ADAMTS15: variants seen among roughly 807,000 people sequenced by gnomAD.
The protein encoded by ADAMTS15 is ADAM metallopeptidase with thrombospondin type 1 motif 15.
A neutral mutation model predicts 79.1 loss-of-function variants in ADAMTS15; 35 were observed. The observed-to-expected ratio is 0.44, with a 90% CI of 0.34 to 0.59. ADAMTS15 has a LOEUF of 0.59. ADAMTS15 is among the 20% of genes least tolerant of loss of function. ADAMTS15 has a pLI of 0.02. For synonymous variants in ADAMTS15, 616 were observed against 567.3 expected, an observed-to-expected ratio of 1.09 and a Z score of -1.22; for missense variants, 1,324 against 1,318.7, an observed-to-expected ratio of 1.00 and a Z score of -0.06.
intron 1 of ADAMTS15, among the ~76,000 whole-genome samples, chr11:130,456,808 G>T (rs1319062437): frequency 6.6e-6 from 1 of 152,174 alleles, no homozygotes; most frequent in African/African-American, 2.4e-5. Flanking sequence ...AGACAGCCCT[G>T]CAGTCCTGTG....
intron 1 of ADAMTS15, 178 bp downstream of exon 1, chr11:130,450,108 C>G: frequency 1.0e-6 from 1 of 985,498 alleles, no homozygotes; most frequent in Non-Finnish European, 1.2e-6. Flanking sequence ...CTCCGCGGAG[C>G]GGCGGCTCAC....
In ADAMTS15 at chr11:130,470,166, A is replaced by ATATG. The variant is rs1592150488; in HGVS notation, c.1720+730_1720+731insGTAT. Among the ~76,000 whole-genome samples the ATATG allele has an allele frequency of 4.3e-4, 25 of 57,576 alleles. 1 individual carries two copies. Among genetic ancestry groups the ATATG allele is most frequent in the African/African-American group, 2.1e-3 (20 of 9,636 alleles). 37.8% of individuals were successfully genotyped at this position (57,576 alleles called of 152,430 possible). On this transcript the variant is annotated intron_variant, in intron 5 of 7. Transcript: ENST00000299164. ...TATATATATATGTGTATATATATAT[A>ATATG]TATATATATATATATGTGTGTATAT...
chr11:130,468,561 C>G (rs1216366979), intron 4 of ADAMTS15, among the ~76,000 whole-genome samples: 2 of 151,630 alleles, frequency 1.3e-5, no homozygotes, highest in East Asian at 1.9e-4. Flanking sequence ...GTCAGGAGAT[C>G]GAGACCTTCC....
chr11:130,461,408 G>A (rs1938195316), intron 1 of ADAMTS15, 81 bp from the exon 2 acceptor site: 1 of 1,594,754 alleles, frequency 6.3e-7, no homozygotes, highest in African/African-American at 1.3e-5. Flanking sequence ...ATGTCCTATA[G>A]GATGTCCTTT....
chr11:130,471,077 C>T lies in ADAMTS15; in HGVS notation c.1878C>T (p.Gly626=). 1.9e-6 allele frequency: 3 copies of T among 1,613,868 alleles called. No individual in the cohort carries two copies. Among genetic ancestry groups the T allele is most frequent in the South Asian group, 2.2e-5 (2 of 91,022 alleles). ...CKLICRANGT[G]YFYVLAPKVV... Reference sequence around the variant, plus strand: ...TCATCTGCCGAGCCAATGGCACTGGCTACTTCTATGTGCTGGCACCCAAGG... The same window carrying T: ...TCATCTGCCGAGCCAATGGCACTGGTTACTTCTATGTGCTGGCACCCAAGG... The change falls in exon 6 of 8, where the codon GGC becomes GGT. Residue 626 remains glycine (G), a synonymous_variant. Coordinates refer to ENST00000299164, the MANE Select transcript of ADAMTS15 (RefSeq NM_139055.4).
intron 1 of ADAMTS15, among the ~76,000 whole-genome samples, chr11:130,459,572 G>A (rs2134724278): frequency 6.6e-6 from 1 of 152,308 alleles, no homozygotes; most frequent in East Asian, 1.9e-4. Flanking sequence ...GGGAAGAGAA[G>A]GGCATTTGAA....
In ADAMTS15 at chr11:130,473,356, C is replaced by T. The variant is rs1254752088; in HGVS notation, c.2388C>T (p.Tyr796=). The T allele has an allele frequency of 1.9e-6, 3 of 1,612,908 alleles. No homozygotes were observed. Among genetic ancestry groups the T allele is most frequent in the Admixed American group, 1.7e-5 (1 of 60,030 alleles). ...AGATGACACCGCCCCGGGTCCGCTACTCCTTCTATCTGCCCAAAGAGCCTC... is the reference window on the plus strand; with the variant it reads ...AGATGACACCGCCCCGGGTCCGCTATTCCTTCTATCTGCCCAAAGAGCCTC... ...VGKMTPPRVR[Y]SFYLPKEPRE... The change falls in exon 8 of 8, where the codon TAC becomes TAT. Residue 796 remains tyrosine (Y), a synonymous_variant. Transcript: ENST00000299164.
intron 4 of ADAMTS15, among the ~76,000 whole-genome samples, chr11:130,465,178 CCTTT>C (rs964701279): frequency 8.5e-5 from 13 of 152,052 alleles, no homozygotes; most frequent in African/African-American, 3.1e-4. Context: ...TCACTGATGA[CCTTT>C]CTTCTCATTT....
chr11:130,456,676 A>G (rs1050620415), intron 1 of ADAMTS15, among the ~76,000 whole-genome samples: 19 of 152,150 alleles, frequency 1.2e-4, no homozygotes, highest in African/African-American at 4.1e-4. Flanking sequence ...CTAGTGTTGC[A>G]TGATTTAGAC....
At chr11:130,463,901 G>A (rs1269355565) in intron 4 of ADAMTS15, among the ~76,000 whole-genome samples, 1 of 152,206 alleles carries the variant, frequency 6.6e-6, no homozygotes, top group Non-Finnish European at 1.5e-5. Context: ...AATTGTCACG[G>A]GAGAACCAGG....
intron 1 of ADAMTS15, chr11:130,450,208 G>T (rs1191505052): frequency 1.0e-6 from 1 of 985,334 alleles, no homozygotes; most frequent in African/African-American, 1.7e-5. Context: ...AGGCGCCGAG[G>T]GGCCGGAACC....
chr11:130,450,078 A>C (rs1008472920), intron 1 of ADAMTS15, 148 bp downstream of exon 1: 3 of 1,455,550 alleles, frequency 2.1e-6, no homozygotes, highest in Middle Eastern at 2.2e-4. Flanking sequence ...TGGAGTTTCC[A>C]GGGAGAGCCC....
Position 130,471,025 on chromosome 11 carries a change from G to A in ADAMTS15, c.1826G>A (p.Gly609Asp). The change falls in exon 6 of 8, where the codon GGC becomes GAC. Residue 609 changes from glycine (G) to aspartate (D), a missense_variant. By Grantham distance (94) the Gly-to-Asp change is moderately conservative. Transcript: ENST00000299164. ...LAVAWVPKYS[G>D]VSPRDKCKLI... Reference sequence around the variant, plus strand: ...GTGGCATGGGTGCCCAAGTACTCCGGCGTGTCTCCCCGGGACAAGTGCAAG... The same window carrying A: ...GTGGCATGGGTGCCCAAGTACTCCGACGTGTCTCCCCGGGACAAGTGCAAG... 1 of 1,613,816 alleles carries A rather than the reference G, an allele frequency of 6.2e-7. No homozygotes were observed. Among genetic ancestry groups the A allele is most frequent in the Non-Finnish European group, 8.5e-7 (1 of 1,180,032 alleles).
In ADAMTS15 at chr11:130,474,166, A is replaced by C; in HGVS notation, c.*345A>C. ...AACTTCAGGGACCCCGGCCCCCAGA[A>C]CGGAGGCCACAGGCTGCTGGAAGAG... On this transcript the variant is annotated 3_prime_UTR_variant, in exon 8 of 8. Transcript: ENST00000299164. 8.3e-6 allele frequency: 2 copies of C among 241,140 alleles called. No individual in the cohort carries two copies. The highest frequency in any genetic ancestry group is 1.6e-5 in the Non-Finnish European group (2 of 124,954). The allele number at this position is 241,140 out of a possible 1,614,324, so 14.9% of individuals were successfully genotyped here.
rs911391031 is a variant in ADAMTS15, at chr11:130,468,939, C to CAAAAAAA, written c.1543-302_1543-296dup. ...GCAAAAGAGGGAGACTCCACCTCAA[C>CAAAAAAA]AAAAAAAAAAAAAAAAAAAAAAAAA... On this transcript the variant is annotated intron_variant, in intron 4 of 7. Transcript: ENST00000299164. Among the ~76,000 whole-genome samples, 124 of 27,840 alleles carry CAAAAAAA rather than the reference C, an allele frequency of 4.5e-3. 5 individuals are homozygous for CAAAAAAA. Among genetic ancestry groups the CAAAAAAA allele is most frequent in the African/African-American group, 0.011 (115 of 10,136 alleles). The allele number at this position is 27,840 out of a possible 152,430, so 18.3% of individuals were successfully genotyped here. A position where few individuals can be genotyped will look rare whatever the true frequency, so the allele number is the denominator to read the frequency against.
At chr11:130,470,855 G>T in intron 5 of ADAMTS15, 65 bp from the exon 6 acceptor site, 3 of 1,539,080 alleles carry the variant, frequency 1.9e-6, no homozygotes, top group South Asian at 2.5e-5. Flanking sequence ...TGGGAGGGAG[G>T]CTTGTCCTTT....
At chr11:130,450,692 GAAAATCTCTTCCA>G (rs1006372797) in intron 1 of ADAMTS15, among the ~76,000 whole-genome samples, 8 of 152,170 alleles carry the variant, frequency 5.3e-5, no homozygotes, top group Non-Finnish European at 1.0e-4. Flanking sequence ...GCTGAGTTGG[GAAAATCTCTTCCA>G]ATTTTCCTGT....
chr11:130,449,920 TCAC>T lies in ADAMTS15; in HGVS notation c.950_952del (p.Thr317del). The T allele has an allele frequency of 1.3e-6, 2 of 1,598,890 alleles. No individual in the cohort carries two copies. Among genetic ancestry groups the T allele is most frequent in the South Asian group, 2.2e-5 (2 of 91,068 alleles). On this transcript the variant is annotated inframe_deletion, in exon 1 of 8. Coordinates refer to ENST00000299164, the MANE Select transcript of ADAMTS15 (RefSeq NM_139055.4). The surrounding 1 kb of genome is among the most constrained non-coding windows in gnomAD (Gnocchi z 7.8). ...GAGTACTGGGACACTGCCATCCTCTTCACCAGGCAGGTGAGTTGATCTGCCGTC... is the reference window on the plus strand; with the variant it reads ...GAGTACTGGGACACTGCCATCCTCTTCAGGCAGGTGAGTTGATCTGCCGTC...
At chr11:130,466,331 C>G (rs1938298958) in intron 4 of ADAMTS15, among the ~76,000 whole-genome samples, 1 of 152,314 alleles carries the variant, frequency 6.6e-6, no homozygotes, top group East Asian at 1.9e-4. Context: ...CCAGGCCTCG[C>G]TCCTGACCTA....
Sources: gnomAD v4.1 joint callset for allele counts (sites outside exome capture counted in the v4.1 genomes callset) on GRCh38, gnomAD v4.1.1 for gene constraint, Gnocchi (gnomAD v3.1) non-coding constraint, MANE v1.5 for transcripts, NCBI Gene and HGNC (gene_info 2026-07-23, HGNC 2026-07-21) for gene names.